The following FTO variants were observed in gnomAD, a reference collection of about 807,000 sequenced individuals.
The protein encoded by FTO is alpha-ketoglutarate-dependent dioxygenase FTO.
A neutral mutation model predicts 63.9 loss-of-function variants in FTO; 47 were observed. The ratio of observed to expected loss-of-function variants is 0.74; its 90% CI spans 0.58 to 0.94. The LOEUF (loss-of-function observed/expected upper bound fraction) is 0.94. Ranked by LOEUF, FTO falls within the 40% of genes least tolerant of loss-of-function variation. The pLI is 0.00. For synonymous variants in FTO, 207 were observed against 224.4 expected, an observed-to-expected ratio of 0.92 and a Z score of 0.69; for missense variants, 562 against 618.1, an observed-to-expected ratio of 0.91 and a Z score of 0.96.
At chr16:54,025,607 C>A (rs2084694596) in intron 8 of FTO, among the ~76,000 whole-genome samples, 1 of 151,984 alleles carries the variant, frequency 6.6e-6, no homozygotes, top group African/African-American at 2.4e-5. Flanking sequence ...CTTGTAATCT[C>A]AGCTACTTGG....
chr16:53,731,617 G>T (rs1216714916), intron 1 of FTO, among the ~76,000 whole-genome samples: 1 of 152,080 alleles, frequency 6.6e-6, no homozygotes, highest in Non-Finnish European at 1.5e-5. Flanking sequence ...GCCCAGGCTG[G>T]AGTGCGGTGG....
chr16:53,739,182 G>C (rs2076464775), intron 1 of FTO, among the ~76,000 whole-genome samples: 1 of 150,094 alleles, frequency 6.7e-6, no homozygotes, highest in African/African-American at 2.5e-5. Context: ...ATTAGCCAAA[G>C]AAAAATATTC....
chr16:54,001,649 C>T (rs1165815063), intron 8 of FTO, among the ~76,000 whole-genome samples: 2 of 152,112 alleles, frequency 1.3e-5, no homozygotes, highest in African/African-American at 2.4e-5. Context: ...ATTTTAGAAC[C>T]GGATAACCCC....
chr16:54,095,844 G>A lies in FTO; in HGVS notation c.1365-15918G>A, dbSNP rs147042124. Among the ~76,000 whole-genome samples, 939 of 152,322 alleles carry A rather than the reference G, an allele frequency of 6.2e-3. 11 individuals carry two copies. The highest frequency in any genetic ancestry group is 0.022 in the African/African-American group (904 of 41,576). ...CTAAGGATGACAGAGCAGAAAGGTG[G>A]ATGGAACAGCCTGGGTTGCAGACGT... On this transcript the variant is annotated intron_variant, in intron 8 of 8. Coordinates refer to ENST00000471389, the MANE Select transcript of FTO (RefSeq NM_001080432.3).
At chr16:53,719,733 A>G (rs1414310772) in intron 1 of FTO, among the ~76,000 whole-genome samples, 1 of 150,100 alleles carries the variant, frequency 6.7e-6, no homozygotes, top group Non-Finnish European at 1.5e-5. Context: ...TGCATTGCCT[A>G]AGCTTCTTTT....
chr16:53,899,720 C>G (rs1475826330), intron 7 of FTO, among the ~76,000 whole-genome samples: 1 of 152,088 alleles, frequency 6.6e-6, no homozygotes, highest in Non-Finnish European at 1.5e-5. Flanking sequence ...CAAGAAATGC[C>G]TTGTGATGTG....
intron 1 of FTO, among the ~76,000 whole-genome samples, chr16:53,763,107 C>A (rs552355808): frequency 6.6e-6 from 1 of 152,130 alleles, no homozygotes; most frequent in East Asian, 1.9e-4. Flanking sequence ...GAAGAAGTGT[C>A]TAATTATTTA....
intron 8 of FTO, among the ~76,000 whole-genome samples, chr16:53,975,739 A>G (rs2083422356): frequency 6.6e-6 from 1 of 152,176 alleles, no homozygotes; most frequent in Non-Finnish European, 1.5e-5. Context: ...TGGACCATAT[A>G]AAATTACTAT....
At chr16:53,922,162 A>G (rs2082022329) in intron 7 of FTO, among the ~76,000 whole-genome samples, 1 of 152,158 alleles carries the variant, frequency 6.6e-6, no homozygotes. Flanking sequence ...CTTCATTCCC[A>G]TATCATTGAG....
At chr16:54,031,735 A>AAAAGCAAAGC (rs80051079) in intron 8 of FTO, among the ~76,000 whole-genome samples, 1 of 151,900 alleles carries the variant, frequency 6.6e-6, no homozygotes, top group Admixed American at 6.6e-5. Context: ...GCAATTATAG[A>AAAAGCAAAGC]AAAGCAAAGC....
chr16:53,870,365 C>T (rs999140876), intron 4 of FTO, among the ~76,000 whole-genome samples: 6 of 152,176 alleles, frequency 3.9e-5, no homozygotes, highest in African/African-American at 1.4e-4. Context: ...TAAGATGGAG[C>T]TCCCCTGGAC....
At chr16:53,866,074 A>T (rs966704318) in intron 4 of FTO, among the ~76,000 whole-genome samples, 1 of 152,050 alleles carries the variant, frequency 6.6e-6, no homozygotes, top group Non-Finnish European at 1.5e-5. Context: ...GTTCTTCTCT[A>T]TTTCTAGTTT....
At position 54,088,407 on chromosome 16, in the gene FTO, A is replaced by T. The variant is rs190971817; in HGVS notation, c.1365-23355A>T. Among the ~76,000 whole-genome samples the T allele has an allele frequency of 5.9e-5, 9 of 152,284 alleles. No individual in the cohort carries two copies. In the East Asian group the frequency reaches 1.7e-3, roughly 29 times the overall value. ...TTCAGATTATAAGCAATTCTGCAAA[A>T]TGTCATTATCTGGTTGGAACTAAGT... On this transcript the variant is annotated intron_variant, in intron 8 of 8. Coordinates refer to ENST00000471389, the MANE Select transcript of FTO (RefSeq NM_001080432.3).
At chr16:53,990,374 G>A (rs1441418293) in intron 8 of FTO, among the ~76,000 whole-genome samples, 2 of 152,172 alleles carry the variant, frequency 1.3e-5, no homozygotes, top group Non-Finnish European at 2.9e-5. Context: ...TAGCTTTCCA[G>A]AGTCCTAAAG....
rs780071553 is a variant in FTO at position 53,826,247 on chromosome 16, A to T, written c.507A>T (p.Pro169=). The T allele has an allele frequency of 1.2e-6, 2 of 1,614,226 alleles. No homozygotes were observed. The highest frequency in any genetic ancestry group is 2.2e-5 in the South Asian group (2 of 91,086). The change falls in exon 3 of 9, where the codon CCA becomes CCT. Residue 169 remains proline (P), a synonymous_variant. Coordinates refer to ENST00000471389, the MANE Select transcript of FTO (RefSeq NM_001080432.3). The stretch of plus-strand genomic sequence containing the variant: ...AGAAGGCTAATGAGGATGCTGTGCC[A>T]TTGTGTATGTCTGCAGATTTCCCCA... ...AKEKANEDAV[P]LCMSADFPRV...
At position 53,995,445 on chromosome 16, in the gene FTO, T is replaced by TAAA. The variant is rs1369963876; in HGVS notation, c.1364+61337_1364+61339dup. ...GCCTCATGTGAGAGCTAATGAACAT[T>TAAA]AAACCCAGACACCATCGGGAGCTCA... is the stretch of plus-strand genomic sequence containing the variant. On this transcript the variant is annotated intron_variant, in intron 8 of 8. Coordinates refer to ENST00000471389, the MANE Select transcript of FTO (RefSeq NM_001080432.3). Among the ~76,000 whole-genome samples, 6 of 152,318 alleles carry TAAA rather than the reference T, an allele frequency of 3.9e-5. No homozygotes were observed. The South Asian group carries it at 6.2e-4, about 16-fold the overall frequency.
At chr16:54,020,972 A>T (rs2144145832) in intron 8 of FTO, among the ~76,000 whole-genome samples, 1 of 152,296 alleles carries the variant, frequency 6.6e-6, no homozygotes, top group South Asian at 2.1e-4. Flanking sequence ...CTTTGTCTCA[A>T]AAAAAGAAAA....
At chr16:53,947,717 AG>A (rs1160115000) in intron 8 of FTO, among the ~76,000 whole-genome samples, 1 of 152,202 alleles carries the variant, frequency 6.6e-6, no homozygotes, top group African/African-American at 2.4e-5. Flanking sequence ...ACGAAGTCTA[AG>A]CTTTACATTT....
chr16:53,794,192 A>G (rs529021670), intron 1 of FTO, among the ~76,000 whole-genome samples: 19 of 152,302 alleles, frequency 1.2e-4, no homozygotes, highest in Non-Finnish European at 2.8e-4. Context: ...ATACGTTTTG[A>G]CCTAGTGAAT....
Sources: allele counts gnomAD v4.1 joint callset (sites outside exome capture counted in the v4.1 genomes callset), GRCh38; gene constraint gnomAD v4.1.1; transcripts MANE v1.5; gene names NCBI Gene and HGNC (gene_info 2026-07-23, HGNC 2026-07-21).